Variants in PRKCA observed in about 807,000 individuals in gnomAD.
PRKCA encodes protein kinase C alpha type.
PRKCA carries 27 observed loss-of-function variants against 87.0 expected under a neutral mutation model. The observed-to-expected ratio is 0.31, with a 90% CI of 0.23 to 0.43. The LOEUF is 0.43. Ranked by LOEUF, PRKCA falls within the 20% of genes least tolerant of loss-of-function variation. The pLI is 1.00. For synonymous variants in PRKCA, 329 were observed against 311.1 expected (o/e 1.06, Z -0.61); for missense variants, 518 against 852.3 (o/e 0.61, Z 4.88).
At chr17:66,354,456 G>C (rs540419360) in intron 2 of PRKCA, among the ~76,000 whole-genome samples, 1 of 152,288 alleles carries the variant, frequency 6.6e-6, no homozygotes, top group Non-Finnish European at 1.5e-5. Flanking sequence ...GGCTTTGTAG[G>C]ATCTAAGCTG....
chr17:66,497,370 C>G (rs534725834), intron 3 of PRKCA, among the ~76,000 whole-genome samples: 13 of 152,024 alleles, frequency 8.6e-5, no homozygotes, highest in African/African-American at 3.1e-4. Flanking sequence ...GGTGGCGCAT[C>G]CTGAGATCCT....
At chr17:66,544,931 C>G (rs1968099626) in intron 3 of PRKCA, among the ~76,000 whole-genome samples, 1 of 152,140 alleles carries the variant, frequency 6.6e-6, no homozygotes, top group Non-Finnish European at 1.5e-5. Flanking sequence ...TTACGATTTC[C>G]TTAGGTGGTT....
intron 2 of PRKCA, among the ~76,000 whole-genome samples, chr17:66,422,305 C>T (rs756507651): frequency 3.3e-5 from 5 of 152,212 alleles, no homozygotes; most frequent in South Asian, 2.1e-4. Context: ...TTCACTTTTT[C>T]GTAGTACATT....
intron 8 of PRKCA, among the ~76,000 whole-genome samples, chr17:66,729,199 C>T (rs1349753210): frequency 4.6e-5 from 7 of 152,024 alleles, no homozygotes; most frequent in Non-Finnish European, 7.4e-5. Flanking sequence ...ATCAGGAGTT[C>T]GAGACCAACC....
At chr17:66,713,791 G>A (rs1973401256) in intron 8 of PRKCA, among the ~76,000 whole-genome samples, 2 of 152,126 alleles carry the variant, frequency 1.3e-5, no homozygotes, top group African/African-American at 4.8e-5. Context: ...CTCAGTCCGA[G>A]TCTGGCCCCC....
intron 2 of PRKCA, among the ~76,000 whole-genome samples, chr17:66,365,339 C>G (rs550603937): frequency 6.6e-6 from 1 of 152,210 alleles, no homozygotes; most frequent in East Asian, 1.9e-4. Context: ...AAGGTGTATC[C>G]GTCTTGCTGG....
At position 66,341,264 on chromosome 17, in the gene PRKCA, G is replaced by A. The variant is rs185342613; in HGVS notation, c.205+35137G>A. 2.2e-4 allele frequency among the ~76,000 whole-genome samples: 34 copies of A among 152,248 alleles called. No homozygotes were observed. The East Asian group carries it at 5.8e-3, about 26-fold the overall frequency. On this transcript the variant is annotated intron_variant, in intron 2 of 16. Coordinates refer to ENST00000413366, the MANE Select transcript of PRKCA (RefSeq NM_002737.3). ...TGTATGTAGTACTGCTTGCTGGGCAGCAGACAGTAAATATTAAGTAAGCTC... is the reference window on the plus strand; with the variant it reads ...TGTATGTAGTACTGCTTGCTGGGCAACAGACAGTAAATATTAAGTAAGCTC...
At chr17:66,588,364 C>T (rs1202477980) in intron 3 of PRKCA, among the ~76,000 whole-genome samples, 2 of 152,084 alleles carry the variant, frequency 1.3e-5, no homozygotes, top group Non-Finnish European at 1.5e-5. Flanking sequence ...AAATTCCTTA[C>T]ATATTCTGGA....
intron 2 of PRKCA, among the ~76,000 whole-genome samples, chr17:66,337,738 C>T (rs905826643): frequency 2.2e-4 from 34 of 152,134 alleles, no homozygotes; most frequent in Admixed American, 1.3e-4. Context: ...AACTTTTAAA[C>T]TTTTAATAAT....
At chr17:66,521,508 A>G (rs1303539154) in intron 3 of PRKCA, among the ~76,000 whole-genome samples, 2 of 152,230 alleles carry the variant, frequency 1.3e-5, no homozygotes, top group African/African-American at 4.8e-5. Context: ...AGAAGATGGT[A>G]CAAATGAGAA....
chr17:66,332,913 A>G (rs550358327), intron 2 of PRKCA, among the ~76,000 whole-genome samples: 42 of 152,146 alleles, frequency 2.8e-4, no homozygotes, highest in Middle Eastern at 6.8e-3. Flanking sequence ...GGATGGTCTC[A>G]ATCTCCTGAC....
chr17:66,595,701 T>G (rs934134173), intron 3 of PRKCA, among the ~76,000 whole-genome samples: 3 of 152,036 alleles, frequency 2.0e-5, no homozygotes, highest in Admixed American at 6.6e-5. Context: ...GACCTCGTGA[T>G]CCGCCCGCCT....
chr17:66,440,409 C>T (rs764957633), intron 2 of PRKCA, among the ~76,000 whole-genome samples: 27 of 152,226 alleles, frequency 1.8e-4, no homozygotes, highest in South Asian at 1.5e-3. Flanking sequence ...TTGGGTTATT[C>T]GGGAAGTCAG....
intron 2 of PRKCA, among the ~76,000 whole-genome samples, chr17:66,391,494 C>T (rs1910354883): frequency 6.6e-6 from 1 of 152,168 alleles, no homozygotes; most frequent in African/African-American, 2.4e-5. Flanking sequence ...GCCTGTTCAT[C>T]ACTTCATCTG....
intron 3 of PRKCA, among the ~76,000 whole-genome samples, chr17:66,558,368 T>C (rs753267907): frequency 6.6e-6 from 1 of 151,424 alleles, no homozygotes; most frequent in Non-Finnish European, 1.5e-5. Context: ...CAAGGAGTAC[T>C]GGTAAGGAAT....
intron 2 of PRKCA, among the ~76,000 whole-genome samples, chr17:66,384,662 T>C (rs1305494001): frequency 2.0e-5 from 3 of 152,070 alleles, no homozygotes; most frequent in Non-Finnish European, 4.4e-5. Flanking sequence ...GGAGTCTCGC[T>C]CTGTCGCCCA....
chr17:66,319,044 G>A (rs1905490843), intron 2 of PRKCA, among the ~76,000 whole-genome samples: 1 of 152,030 alleles, frequency 6.6e-6, no homozygotes, highest in African/African-American at 2.4e-5. Flanking sequence ...TGGGAAGATT[G>A]CTTGAGCCCG....
At chr17:66,336,937 C>A (rs556458869) in intron 2 of PRKCA, among the ~76,000 whole-genome samples, 1 of 151,806 alleles carries the variant, frequency 6.6e-6, no homozygotes, top group African/African-American at 2.4e-5. Flanking sequence ...TACAGGCGCC[C>A]GCCACCACGT....
intron 3 of PRKCA, among the ~76,000 whole-genome samples, chr17:66,634,224 T>G (rs989643979): frequency 2.0e-5 from 3 of 152,178 alleles, no homozygotes; most frequent in Admixed American, 1.3e-4. Flanking sequence ...CCTAAGAGGT[T>G]TAGATTTAGA....
Sources: allele counts gnomAD v4.1 joint callset (sites outside exome capture counted in the v4.1 genomes callset), GRCh38; gene constraint gnomAD v4.1.1; transcripts MANE v1.5; gene names NCBI Gene and HGNC (gene_info 2026-07-23, HGNC 2026-07-21).